Variants in PLXDC2 observed in about 807,000 individuals in gnomAD.
PLXDC2 encodes plexin domain-containing protein 2.
A neutral mutation model predicts 68.9 loss-of-function variants in PLXDC2; 40 were observed. That is an observed-to-expected ratio of 0.58 (90% CI 0.45 to 0.76). The LOEUF is 0.76. Among genes scored for constraint, PLXDC2 ranks in the 30% least tolerant of loss-of-function variants. The probability of loss-of-function intolerance (pLI) is 0.00; values close to 1 mark genes in which losing one functional copy is unlikely to be tolerated. For synonymous variants in PLXDC2, 243 were observed against 234.2 expected (o/e 1.04, Z -0.34); for missense variants, 644 against 661.9 (o/e 0.97, Z 0.30).
intron 1 of PLXDC2, among the ~76,000 whole-genome samples, chr10:19,987,204 C>G (rs970273767): frequency 6.6e-6 from 1 of 152,182 alleles, no homozygotes; most frequent in African/African-American, 2.4e-5. Flanking sequence ...GCAGTTGATG[C>G]CTTCATAGAA....
intron 1 of PLXDC2, among the ~76,000 whole-genome samples, chr10:19,819,732 G>C (rs1836428746): frequency 6.6e-6 from 1 of 152,150 alleles, no homozygotes; most frequent in Non-Finnish European, 1.5e-5. Flanking sequence ...TATTTTAGTT[G>C]TTCTTCTCTG....
At chr10:20,238,826 C>T (rs1274218065) in intron 12 of PLXDC2, among the ~76,000 whole-genome samples, 2 of 150,480 alleles carry the variant, frequency 1.3e-5, no homozygotes, top group African/African-American at 4.9e-5. Context: ...ATAGAATTGA[C>T]AGTTCTTACA....
chr10:19,851,569 A>C (rs1837118613), intron 1 of PLXDC2, among the ~76,000 whole-genome samples: 1 of 152,080 alleles, frequency 6.6e-6, no homozygotes, highest in Non-Finnish European at 1.5e-5. Flanking sequence ...TTTTTGAGAC[A>C]GAGTCTCGCT....
Position 20,285,260 on chromosome 10 carries a change from A to G in PLXDC2, c.*5441A>G, listed in dbSNP as rs2119407950. On this transcript the variant is annotated 3_prime_UTR_variant, in exon 14 of 14. Coordinates refer to ENST00000377252, the MANE Select transcript of PLXDC2 (RefSeq NM_032812.9). ...TGAAGCATTTTACATTTTACAGAGCACTTTGATTCATCTCCCTATTTGTTC... is the reference window on the plus strand; with the variant it reads ...TGAAGCATTTTACATTTTACAGAGCGCTTTGATTCATCTCCCTATTTGTTC... The G allele has an allele frequency of 6.6e-6, 1 of 152,286 alleles. No individual in the cohort carries two copies. Among genetic ancestry groups the G allele is most frequent in the South Asian group, 2.1e-4 (1 of 4,828 alleles). 9.4% of individuals were successfully genotyped at this position (152,286 alleles called of 1,614,324 possible).
At chr10:19,849,200 AAAAT>A (rs1837069227) in intron 1 of PLXDC2, among the ~76,000 whole-genome samples, 1 of 152,198 alleles carries the variant, frequency 6.6e-6, no homozygotes, top group African/African-American at 2.4e-5. Flanking sequence ...ATGGAAATAA[AAAAT>A]AAATAACAAT....
At chr10:19,979,602 A>T (rs1339175504) in intron 1 of PLXDC2, among the ~76,000 whole-genome samples, 1 of 152,030 alleles carries the variant, frequency 6.6e-6, no homozygotes, top group Non-Finnish European at 1.5e-5. Flanking sequence ...GAACTCCTGA[A>T]CTCAAGTAAT....
chr10:19,968,465 A>G (rs112027401), intron 1 of PLXDC2, among the ~76,000 whole-genome samples: 1 of 152,066 alleles, frequency 6.6e-6, no homozygotes, highest in African/African-American at 2.4e-5. Context: ...GGCGCACACC[A>G]CTATGCCTGG....
intron 6 of PLXDC2, among the ~76,000 whole-genome samples, chr10:20,153,427 G>T (rs1193723376): frequency 2.6e-5 from 4 of 152,120 alleles, no homozygotes; most frequent in Non-Finnish European, 4.4e-5. Context: ...TCCTTTCTTT[G>T]GGATTTTGTC....
intron 1 of PLXDC2, among the ~76,000 whole-genome samples, chr10:19,869,671 A>T (rs1243873869): frequency 6.6e-6 from 1 of 152,084 alleles, no homozygotes; most frequent in Non-Finnish European, 1.5e-5. Context: ...AATATTTAAT[A>T]TATTGAATAG....
At chr10:20,117,429 G>A (rs1324878708) in intron 4 of PLXDC2, among the ~76,000 whole-genome samples, 1 of 152,104 alleles carries the variant, frequency 6.6e-6, no homozygotes, top group Admixed American at 6.6e-5. Flanking sequence ...GTGTGTGAGT[G>A]CACATGTATA....
intron 2 of PLXDC2, among the ~76,000 whole-genome samples, chr10:20,014,219 TCCC>T (rs1835164795): frequency 1.4e-5 from 2 of 146,156 alleles, no homozygotes; most frequent in Non-Finnish European, 3.0e-5. Flanking sequence ...CTTCCTTCCT[TCCC>T]TCCTTCCTTC....
At chr10:20,221,479 G>A (rs1307373994) in intron 12 of PLXDC2, among the ~76,000 whole-genome samples, 1 of 152,128 alleles carries the variant, frequency 6.6e-6, no homozygotes, top group Non-Finnish European at 1.5e-5. Context: ...TTATATCTAT[G>A]GTTGTTAACA....
At chr10:20,024,064 A>G (rs999363303) in intron 2 of PLXDC2, among the ~76,000 whole-genome samples, 7 of 152,214 alleles carry the variant, frequency 4.6e-5, no homozygotes, top group Non-Finnish European at 1.0e-4. Flanking sequence ...GAATAGGAAC[A>G]TATATGATAT....
In PLXDC2 at chr10:19,837,600, C is replaced by T. The variant is rs1014625998; in HGVS notation, c.112+20409C>T. Among the ~76,000 whole-genome samples the T allele has an allele frequency of 2.6e-5, 4 of 151,980 alleles. No individual in the cohort carries two copies. The South Asian group carries it at 6.2e-4, about 24-fold the overall frequency. On this transcript the variant is annotated intron_variant, in intron 1 of 13. Transcript: ENST00000377252. Reference sequence around the variant, plus strand: ...ATAGTTTGTGCTTGCTGAAATGATCCGACCTAGTTTAACTTTGTAATGAGT... The same window carrying T: ...ATAGTTTGTGCTTGCTGAAATGATCTGACCTAGTTTAACTTTGTAATGAGT...
intron 12 of PLXDC2, among the ~76,000 whole-genome samples, chr10:20,232,465 A>G (rs1196004944): frequency 6.6e-6 from 1 of 152,204 alleles, no homozygotes; most frequent in African/African-American, 2.4e-5. Flanking sequence ...ATTGTCAATA[A>G]CTAGAAATAG....
At chr10:19,865,246 C>T (rs541106999) in intron 1 of PLXDC2, among the ~76,000 whole-genome samples, 7 of 152,318 alleles carry the variant, frequency 4.6e-5, no homozygotes, top group Non-Finnish European at 5.9e-5. Flanking sequence ...AAAGTTAAAC[C>T]TGCACAAGTG....
intron 2 of PLXDC2, among the ~76,000 whole-genome samples, chr10:20,044,703 C>T (rs896290296): frequency 5.9e-5 from 9 of 152,090 alleles, no homozygotes; most frequent in Admixed American, 5.9e-4. Flanking sequence ...GTCTCACACC[C>T]CCACATCTCC....
chr10:20,013,616 G>T (rs180696019), intron 2 of PLXDC2, among the ~76,000 whole-genome samples: 8 of 152,200 alleles, frequency 5.3e-5, no homozygotes, highest in African/African-American at 1.9e-4. Flanking sequence ...TTTAAAACTA[G>T]TACAGAGTAA....
chr10:20,058,336 G>A (rs916114184), intron 3 of PLXDC2, among the ~76,000 whole-genome samples: 4 of 152,088 alleles, frequency 2.6e-5, no homozygotes, highest in African/African-American at 9.7e-5. Context: ...CAACACACAT[G>A]GACTTGGAAC....
Sources: allele counts gnomAD v4.1 joint callset (sites outside exome capture counted in the v4.1 genomes callset), GRCh38; gene constraint gnomAD v4.1.1; transcripts MANE v1.5; gene names NCBI Gene and HGNC (gene_info 2026-07-23, HGNC 2026-07-21).